The following INTS6L variants were observed in gnomAD, a reference collection of about 807,000 sequenced individuals.
INTS6L encodes integrator complex subunit 6-like.
Under a neutral mutation model 64.7 loss-of-function variants are expected in INTS6L, and 18 were observed. The ratio of observed to expected loss-of-function variants is 0.28; its 90% CI spans 0.19 to 0.41. INTS6L has a LOEUF of 0.41. Ranked by LOEUF, INTS6L falls within the 10% of genes least tolerant of loss-of-function variation. INTS6L has a pLI of 1.00. For missense variants in INTS6L, 533 were observed against 661.0 expected (o/e 0.81, Z 2.12); for synonymous variants, 227 against 235.9 (o/e 0.96, Z 0.34).
At chrX:135,557,835 T>C (rs1556520048) in intron 9 of INTS6L, among the ~76,000 whole-genome samples, 1 of 112,073 alleles carries the variant, frequency 8.9e-6, no homozygotes, top group Admixed American at 9.5e-5. Context: ...AGGGAGACGA[T>C]TAACAGAGTG....
Position 135,540,716 on chromosome X carries a change from G to C in INTS6L, c.190-4707G>C, listed in dbSNP as rs868909470. Among the ~76,000 whole-genome samples, 4 of 97,349 alleles carry C rather than the reference G, an allele frequency of 4.1e-5. No individual in the cohort carries two copies. The East Asian group carries it at 1.0e-3, about 24-fold the overall frequency. The allele number at this position is 97,349 out of a possible 115,157, so 84.5% of individuals were successfully genotyped here. Reference sequence around the variant, plus strand: ...GGCTTACTATTCAAGCCTCCTAGCTGCTCCTCCTCCTCCTCCTCCTCCTCT... The same window carrying C: ...GGCTTACTATTCAAGCCTCCTAGCTCCTCCTCCTCCTCCTCCTCCTCCTCT... On this transcript the variant is annotated intron_variant, in intron 2 of 17. Transcript: ENST00000639893.
In INTS6L at chrX:135,521,336, G is replaced by C. The variant is rs781892965; in HGVS notation, c.189+18G>C. The C allele has an allele frequency of 2.0e-5, 24 of 1,182,043 alleles. No homozygotes were observed. Among genetic ancestry groups the C allele is most frequent in the African/African-American group, 1.4e-4 (8 of 56,550 alleles). ...GCATCAAGGTAAAGGGGCTACGGGT[G>C]GGGGGACAGGCGGGAAGCGGGAGCA... is the stretch of plus-strand genomic sequence containing the variant. On this transcript the variant is annotated intron_variant, in intron 2 of 17. Transcript: ENST00000639893.
chrX:135,521,905 C>T (rs1249502727), intron 2 of INTS6L, among the ~76,000 whole-genome samples: 1 of 109,232 alleles, frequency 9.2e-6, no homozygotes, highest in Non-Finnish European at 1.9e-5. Context: ...GCATCTCCTC[C>T]TTCTCCCCCT....
intron 2 of INTS6L, among the ~76,000 whole-genome samples, chrX:135,533,761 T>G (rs890543700): frequency 2.7e-5 from 3 of 112,383 alleles, no homozygotes; most frequent in Admixed American, 9.4e-5. Flanking sequence ...TCCATGTATG[T>G]TTTTTCCAAG....
rs1556519222 is a variant in INTS6L, at chrX:135,556,278, C to T, written c.1170C>T (p.Tyr390=). 2 of 1,183,762 alleles carry T rather than the reference C, an allele frequency of 1.7e-6. No individual in the cohort carries two copies. Among genetic ancestry groups the T allele is most frequent in the South Asian group, 2.0e-5 (1 of 50,949 alleles). Residue 390 remains tyrosine (Y), a synonymous_variant, in exon 9 of 18, where the codon TAC becomes TAT. Coordinates refer to ENST00000639893, the MANE Select transcript of INTS6L (RefSeq NM_001351601.3). ...CVNLFVMPYN[Y]PVLLPLLDDL... ...ACCTCTTTGTGATGCCTTACAACTA[C>T]CCAGTTTTACTTCCTCTTTTAGGTA... is the stretch of plus-strand genomic sequence containing the variant.
At chrX:135,562,040 TCTTA>T (rs1556522503) in intron 9 of INTS6L, among the ~76,000 whole-genome samples, 1 of 108,488 alleles carries the variant, frequency 9.2e-6, no homozygotes, top group Non-Finnish European at 1.9e-5. Flanking sequence ...TTTCCTTTCT[TCTTA>T]CTTTAAGTTT....
chrX:135,553,091 A>G (rs1556517635), intron 8 of INTS6L, among the ~76,000 whole-genome samples: 2 of 112,381 alleles, frequency 1.8e-5, no homozygotes, highest in Non-Finnish European at 3.8e-5. Context: ...AAACAGAATA[A>G]TCTCACAAAC....
intron 2 of INTS6L, among the ~76,000 whole-genome samples, chrX:135,534,567 C>T (rs1416165743): frequency 1.8e-5 from 2 of 110,111 alleles, no homozygotes; most frequent in African/African-American, 3.3e-5. Flanking sequence ...GGGAGAGAAC[C>T]GATTTAATCA....
intron 2 of INTS6L, 102 bp downstream of exon 2, chrX:135,521,420 C>A (rs2085549926): frequency 3.6e-6 from 3 of 838,428 alleles, no homozygotes; most frequent in Non-Finnish European, 4.9e-6. Context: ...CGTCGCCCGG[C>A]GGGGCGGGCG....
intron 12 of INTS6L, among the ~76,000 whole-genome samples, chrX:135,573,721 A>G (rs2087149528): frequency 8.9e-6 from 1 of 112,293 alleles, no homozygotes; most frequent in Non-Finnish European, 1.9e-5. Context: ...TTTAAATGAC[A>G]TATTTGAAAA....
chrX:135,531,972 A>G (rs1162104053), intron 2 of INTS6L, among the ~76,000 whole-genome samples: 1 of 111,984 alleles, frequency 8.9e-6, no homozygotes. Context: ...GGGTGAGGAC[A>G]TGACAGAACA....
intron 9 of INTS6L, among the ~76,000 whole-genome samples, chrX:135,563,671 C>CTATATATATA (rs1569512847): frequency 1.3e-3 from 7 of 5,270 alleles, no homozygotes; most frequent in South Asian, 0.012. Flanking sequence ...ATATATATAG[C>CTATATATATA]TATATATATA....
At chrX:135,557,437 C>T (rs782570134) in intron 9 of INTS6L, among the ~76,000 whole-genome samples, 35 of 111,443 alleles carry the variant, frequency 3.1e-4, no homozygotes, top group Non-Finnish European at 5.9e-4. Context: ...AAAAGCTGTA[C>T]ATATTTAATG....
At chrX:135,528,795 T>C (rs781906242) in intron 2 of INTS6L, among the ~76,000 whole-genome samples, 69 of 110,350 alleles carry the variant, frequency 6.3e-4, no homozygotes, top group African/African-American at 2.1e-3. Context: ...TAAGATATTT[T>C]ATGATGTTCA....
At chrX:135,558,412 A>G (rs2086695983) in intron 9 of INTS6L, among the ~76,000 whole-genome samples, 2 of 112,464 alleles carry the variant, frequency 1.8e-5, no homozygotes, top group South Asian at 3.7e-4. Context: ...ATAAATGAAT[A>G]AAGAAAATGT....
At chrX:135,529,235 G>A (rs1421954976) in intron 2 of INTS6L, among the ~76,000 whole-genome samples, 2 of 112,298 alleles carry the variant, frequency 1.8e-5, no homozygotes, top group Non-Finnish European at 3.8e-5. Context: ...CTTTGCCCAA[G>A]AATTCTCAGG....
At position 135,552,003 on chromosome X, in the gene INTS6L, A is replaced by G. The variant is rs368769799; in HGVS notation, c.916A>G (p.Thr306Ala). ...AAAAAATTTTTTTTAGCCTCCACGA[A>G]CATCTCATCCTGTTGTGAGGTTCTC... is the stretch of plus-strand genomic sequence containing the variant. The part of the protein sequence containing the change: ...DQNLPSLPPR[T>A]SHPVVRFSCV... The change falls in exon 8 of 18, where the codon ACA becomes GCA. Residue 306 changes from threonine to alanine, a missense_variant. Thr to Ala is a moderately conservative substitution (Grantham distance 58). Transcript: ENST00000639893. 3.8e-5 allele frequency: 44 copies of G among 1,154,679 alleles called. No individual in the cohort carries two copies. Among genetic ancestry groups the G allele is most frequent in the Non-Finnish European group, 3.3e-5 (29 of 870,736 alleles).
chrX:135,526,187 C>G (rs945235982), intron 2 of INTS6L, among the ~76,000 whole-genome samples: 18 of 111,748 alleles, frequency 1.6e-4, no homozygotes, highest in African/African-American at 5.9e-4. Flanking sequence ...CAGTTGTTCT[C>G]CCTACTTCCA....
chrX:135,577,106 TTATG>T (rs1556531396), intron 14 of INTS6L, 83 bp from the exon 15 acceptor site: 1 of 825,329 alleles, frequency 1.2e-6, no homozygotes, highest in African/African-American at 2.0e-5. Flanking sequence ...GCAAGATTGA[TTATG>T]TATGCATATT....
Sources: allele counts gnomAD v4.1 joint callset (sites outside exome capture counted in the v4.1 genomes callset), GRCh38; gene constraint gnomAD v4.1.1; transcripts MANE v1.5; gene names NCBI Gene and HGNC (gene_info 2026-07-23, HGNC 2026-07-21).